TMEM74: variants seen among roughly 807,000 people sequenced by gnomAD.
TMEM74 encodes the protein transmembrane protein 74.
In TMEM74, 13 loss-of-function variants were observed where a neutral mutation model predicts 18.1. That is an observed-to-expected ratio of 0.72 (90% CI 0.47 to 1.14). The LOEUF (loss-of-function observed/expected upper bound fraction) is 1.14, where lower values mean the gene tolerates loss of function less well. Among genes scored for constraint, TMEM74 ranks in the 50% most tolerant of loss-of-function variants. The probability of loss-of-function intolerance (pLI) is 0.00; values close to 1 mark genes in which losing one functional copy is unlikely to be tolerated. For synonymous variants in TMEM74, 159 were observed against 146.6 expected (o/e 1.08, Z -0.61); for missense variants, 372 against 375.9 (o/e 0.99, Z 0.09).
intron 1 of TMEM74, among the ~76,000 whole-genome samples, chr8:108,729,870 A>G (rs1227787102): frequency 3.9e-5 from 6 of 152,196 alleles, no homozygotes; most frequent in African/African-American, 1.4e-4. Flanking sequence ...AAACATCTCA[A>G]ACATAATTTG....
chr8:108,613,289 G>A (rs1798190142), intron 2 of TMEM74, among the ~76,000 whole-genome samples: 2 of 152,138 alleles, frequency 1.3e-5, no homozygotes, highest in Admixed American at 6.6e-5. Flanking sequence ...CATATGAGAG[G>A]AGGCAGCTCC....
intron 1 of TMEM74, among the ~76,000 whole-genome samples, chr8:108,742,824 T>G (rs2130647273): frequency 6.6e-6 from 1 of 152,268 alleles, no homozygotes; most frequent in South Asian, 2.1e-4. Context: ...TTTAGAGACT[T>G]CCGTGTGAAT....
At chr8:108,761,659 A>G (rs1814046065) in intron 1 of TMEM74, among the ~76,000 whole-genome samples, 1 of 152,028 alleles carries the variant, frequency 6.6e-6, no homozygotes, top group Non-Finnish European at 1.5e-5. Flanking sequence ...CCCTCTTCCT[A>G]TTCTCCTATC....
At chr8:108,747,103 G>T (rs1432172866) in intron 1 of TMEM74, among the ~76,000 whole-genome samples, 2 of 152,132 alleles carry the variant, frequency 1.3e-5, no homozygotes, top group Non-Finnish European at 2.9e-5. Context: ...CTGGACTTGT[G>T]ATTGGTGCCT....
rs369472601 is a variant in TMEM74 at position 108,750,589 on chromosome 8, G to A, written n.119+36887C>T. On this transcript the variant is annotated intron_variant and non_coding_transcript_variant, in intron 1 of 3. Coordinates refer to the TMEM74 transcript ENST00000518838. ...CAGTCCACAGCTGTTACACTAAAGC[G>A]TTAATTGAACGCAGACACCAGGGAG... 3.2e-4 allele frequency among the ~76,000 whole-genome samples: 48 copies of A among 152,204 alleles called. No individual in the cohort carries two copies. The East Asian group carries it at 5.0e-3, about 16-fold the overall frequency.
chr8:108,693,816 C>T (rs1813253501), intron 1 of TMEM74, among the ~76,000 whole-genome samples: 1 of 152,180 alleles, frequency 6.6e-6, no homozygotes, highest in Non-Finnish European at 1.5e-5. Context: ...ATACACGAAG[C>T]AGATTCCAGT....
intron 1 of TMEM74, among the ~76,000 whole-genome samples, chr8:108,786,665 C>T (rs78177574): frequency 0.02 from 2,987 of 152,254 alleles, 105 homozygotes; most frequent in African/African-American, 0.068. Context: ...CTAGAACAAA[C>T]CCCCACTAAA....
In TMEM74 at chr8:108,765,327, C is replaced by T. The variant is rs150662608; in HGVS notation, n.119+22149G>A. On this transcript the variant is annotated intron_variant and non_coding_transcript_variant, in intron 1 of 3. Coordinates refer to the TMEM74 transcript ENST00000518838. ...AAGATTCTGAGAGGCTTCCATCATC[C>T]TGGACTTTAAGGGATGGTGATGAGC... is the stretch of plus-strand genomic sequence containing the variant. Among the ~76,000 whole-genome samples, 424 of 151,582 alleles carry T rather than the reference C, an allele frequency of 2.8e-3. 2 individuals carry two copies. Among genetic ancestry groups the T allele is most frequent in the African/African-American group, 9.9e-3 (408 of 41,336 alleles).
intron 1 of TMEM74, among the ~76,000 whole-genome samples, chr8:108,749,692 T>C (rs1813885745): frequency 6.6e-6 from 1 of 152,092 alleles, no homozygotes; most frequent in Non-Finnish European, 1.5e-5. Context: ...CTGTGTTGAA[T>C]AGGAGTGGTG....
At chr8:108,648,422 G>C (rs1356640896) in intron 2 of TMEM74, among the ~76,000 whole-genome samples, 2 of 152,108 alleles carry the variant, frequency 1.3e-5, no homozygotes, top group Non-Finnish European at 2.9e-5. Flanking sequence ...TCTGTGCGAG[G>C]CAAAATTAGC....
intron 1 of TMEM74, among the ~76,000 whole-genome samples, 167 bp downstream of exon 1, chr8:108,787,309 T>C (rs1049973229): frequency 6.6e-6 from 1 of 152,114 alleles, no homozygotes; most frequent in Non-Finnish European, 1.5e-5. Context: ...GGCTATCCAT[T>C]TCTGGTGAAC....
chr8:108,696,609 G>A (rs368381369), intron 1 of TMEM74, among the ~76,000 whole-genome samples: 1 of 152,194 alleles, frequency 6.6e-6, no homozygotes, highest in Non-Finnish European at 1.5e-5. Flanking sequence ...GTTTCTGAAA[G>A]ACATACTGTA....
At chr8:108,717,643 GC>G (rs1563534011) in intron 1 of TMEM74, among the ~76,000 whole-genome samples, 3 of 152,134 alleles carry the variant, frequency 2.0e-5, no homozygotes, top group African/African-American at 7.2e-5. Flanking sequence ...GATTAAGGTG[GC>G]TTTACTGGAG....
At chr8:108,649,170 T>G (rs1812748659) in intron 2 of TMEM74, among the ~76,000 whole-genome samples, 1 of 152,178 alleles carries the variant, frequency 6.6e-6, no homozygotes, top group Non-Finnish European at 1.5e-5. Flanking sequence ...AGAGCAATTA[T>G]GTTCCTAGAA....
At chr8:108,637,238 C>T (rs922233519) in intron 2 of TMEM74, among the ~76,000 whole-genome samples, 7 of 152,042 alleles carry the variant, frequency 4.6e-5, no homozygotes, top group Admixed American at 4.6e-4. Flanking sequence ...TAGCACTTTT[C>T]CCATTTGAAA....
intron 1 of TMEM74, among the ~76,000 whole-genome samples, chr8:108,689,029 C>T (rs375735756): frequency 6.6e-6 from 1 of 152,296 alleles, no homozygotes; most frequent in African/African-American, 2.4e-5. Context: ...GCTACTAAAG[C>T]TCCAAGCACT....
chr8:108,762,786 A>G, intron 1 of TMEM74, among the ~76,000 whole-genome samples: 1 of 152,108 alleles, frequency 6.6e-6, no homozygotes, highest in East Asian at 1.9e-4. Context: ...AATCTCTGCT[A>G]CTCAGGAGGC....
chr8:108,711,135 G>C (rs931181697), intron 1 of TMEM74, among the ~76,000 whole-genome samples: 1 of 152,172 alleles, frequency 6.6e-6, no homozygotes, highest in African/African-American at 2.4e-5. Context: ...GCTGGAAGTT[G>C]AGCTAGTGAC....
At chr8:108,694,291 G>A (rs1800054900) in intron 1 of TMEM74, among the ~76,000 whole-genome samples, 1 of 152,100 alleles carries the variant, frequency 6.6e-6, no homozygotes, top group Non-Finnish European at 1.5e-5. Context: ...ATAAACAAGT[G>A]TGATATGCCT....
Sources: gnomAD v4.1 joint callset for allele counts (sites outside exome capture counted in the v4.1 genomes callset) on GRCh38, gnomAD v4.1.1 for gene constraint, MANE v1.5 for transcripts, NCBI Gene and HGNC (gene_info 2026-07-23, HGNC 2026-07-21) for gene names.